Variants in TNFRSF21 observed in about 807,000 individuals in gnomAD.
TNFRSF21 encodes the protein tumor necrosis factor receptor superfamily member 21.
In TNFRSF21, 19 loss-of-function variants were observed where a neutral mutation model predicts 45.6. The ratio of observed to expected loss-of-function variants is 0.42; its 90% CI spans 0.29 to 0.61. The LOEUF is 0.61. TNFRSF21 is among the 20% of genes least tolerant of loss of function. The pLI is 0.23. For missense variants in TNFRSF21, 737 were observed against 851.5 expected, an observed-to-expected ratio of 0.87 and a Z score of 1.67; for synonymous variants, 314 against 335.5, an observed-to-expected ratio of 0.94 and a Z score of 0.70.
At position 47,274,118 on chromosome 6, in the gene TNFRSF21, G is replaced by A. The variant is rs150340852; in HGVS notation, c.1243+9820C>T. 2.8e-3 allele frequency among the ~76,000 whole-genome samples: 420 copies of A among 152,070 alleles called. 2 individuals carry two copies. The highest frequency in any genetic ancestry group is 9.5e-3 in the African/African-American group (392 of 41,474). ...TCAAGCTACCAATGATTTTCTTCAC[G>A]GAATTGGAAAAAACTACTTTAAAGT... is the stretch of plus-strand genomic sequence containing the variant. On this transcript the variant is annotated intron_variant, in intron 3 of 5. Coordinates refer to ENST00000296861, the MANE Select transcript of TNFRSF21 (RefSeq NM_014452.5).
intron 5 of TNFRSF21, among the ~76,000 whole-genome samples, 184 bp downstream of exon 5, chr6:47,234,486 G>A (rs977081100): frequency 1.3e-5 from 2 of 152,122 alleles, no homozygotes; most frequent in African/African-American, 4.8e-5. Context: ...GCGTGTCTTC[G>A]CCAGCCAATG....
At chr6:47,269,144 A>G (rs2295261) in intron 3 of TNFRSF21, among the ~76,000 whole-genome samples, 43,817 of 151,896 alleles carry the variant, frequency 0.29, 6,753 homozygotes, top group Non-Finnish European at 0.35. Flanking sequence ...CATCTTCTGT[A>G]TAATGAGAGG....
intron 1 of TNFRSF21, among the ~76,000 whole-genome samples, chr6:47,289,434 G>T (rs556726418): frequency 2.0e-5 from 3 of 151,924 alleles, no homozygotes; most frequent in Non-Finnish European, 4.4e-5. Flanking sequence ...GCTTATGAGG[G>T]TATATTCATT....
chr6:47,308,381 G>GT (rs989063340), intron 1 of TNFRSF21, among the ~76,000 whole-genome samples: 3 of 152,172 alleles, frequency 2.0e-5, no homozygotes, highest in African/African-American at 2.4e-5. Context: ...TTTCTTGGGG[G>GT]TTTTTTTGTT....
In TNFRSF21 at chr6:47,253,282, G is replaced by A. The variant is rs867596127; in HGVS notation, c.1483C>T (p.Arg495Cys). The A allele has an allele frequency of 2.5e-6, 4 of 1,613,316 alleles. No homozygotes were observed. The highest frequency in any genetic ancestry group is 3.3e-5 in the Admixed American group (2 of 59,918). ...TGGGTGGTGTCTTCCATCAGCCCAC[G>A]AATCTTCTCCACAACATCGTTTCTC... ...HRRNDVVEKI[R>C]GLMEDTTQLE... The change falls in exon 4 of 6, where the codon CGT becomes TGT. Residue 495 changes from arginine (R) to cysteine (C), a missense_variant. Transcript: ENST00000296861.
chr6:47,272,971 T>C (rs971692079), intron 3 of TNFRSF21, among the ~76,000 whole-genome samples: 1 of 152,118 alleles, frequency 6.6e-6, no homozygotes, highest in Non-Finnish European at 1.5e-5. Flanking sequence ...CAGGAGGAAG[T>C]TGAATCTCTG....
At chr6:47,234,959 C>T (rs1194654354) in intron 4 of TNFRSF21, 61 bp from the exon 5 acceptor site, 2 of 1,011,140 alleles carry the variant, frequency 2.0e-6, no homozygotes, top group Non-Finnish European at 2.7e-6. Context: ...AATTAAAATC[C>T]CTCCTCAGAG....
chr6:47,254,733 T>G (rs1292076598), intron 3 of TNFRSF21, among the ~76,000 whole-genome samples: 2 of 152,248 alleles, frequency 1.3e-5, no homozygotes, highest in African/African-American at 4.8e-5. Flanking sequence ...AATTCATTAT[T>G]CAGTCTTCCA....
In TNFRSF21 at chr6:47,309,568, G is replaced by T. The variant is rs532974657; in HGVS notation, c.-57C>A. ...GGCGCGCGGGGCAGCTGGAATCGGC[G>T]GCTGCTTCTGCCCAGCGCCGCATCC... On this transcript the variant is annotated 5_prime_UTR_variant, in exon 1 of 6. Transcript: ENST00000296861. 2.9e-6 allele frequency: 4 copies of T among 1,389,628 alleles called. No individual in the cohort carries two copies. The highest frequency in any genetic ancestry group is 3.7e-6 in the Non-Finnish European group (4 of 1,081,820). 86.1% of individuals were successfully genotyped at this position (1,389,628 alleles called of 1,614,324 possible).
At chr6:47,236,691 G>A (rs1288408674) in intron 4 of TNFRSF21, among the ~76,000 whole-genome samples, 1 of 152,172 alleles carries the variant, frequency 6.6e-6, no homozygotes, top group African/African-American at 2.4e-5. Context: ...CAAATGTTAC[G>A]TATATGCTTG....
chr6:47,250,620 T>C (rs1352600248), intron 4 of TNFRSF21, among the ~76,000 whole-genome samples: 1 of 152,066 alleles, frequency 6.6e-6, no homozygotes, highest in Non-Finnish European at 1.5e-5. Context: ...TGAAAAAAAA[T>C]AGTCATTTTT....
chr6:47,239,934 C>A (rs1222814564), intron 4 of TNFRSF21, among the ~76,000 whole-genome samples: 25 of 152,194 alleles, frequency 1.6e-4, no homozygotes, highest in Admixed American at 1.6e-3. Context: ...AAGTTTACCA[C>A]AAAGTTATTT....
intron 1 of TNFRSF21, among the ~76,000 whole-genome samples, chr6:47,290,100 C>T (rs1428695249): frequency 6.6e-6 from 1 of 152,224 alleles, no homozygotes; most frequent in African/African-American, 2.4e-5. Flanking sequence ...CTCTGTACTT[C>T]GTGGCATGTC....
chr6:47,238,239 G>A (rs896807326), intron 4 of TNFRSF21, among the ~76,000 whole-genome samples: 1 of 152,184 alleles, frequency 6.6e-6, no homozygotes, highest in African/African-American at 2.4e-5. Flanking sequence ...CAATGTGGCT[G>A]AGCTCCTCTC....
intron 3 of TNFRSF21, among the ~76,000 whole-genome samples, chr6:47,269,196 A>AAC (rs1483913767): frequency 2.6e-5 from 4 of 151,266 alleles, no homozygotes; most frequent in African/African-American, 7.3e-5. Flanking sequence ...CTTACACACA[A>AAC]ACACACACAC....
At chr6:47,271,540 G>A (rs1316716012) in intron 3 of TNFRSF21, among the ~76,000 whole-genome samples, 1 of 152,168 alleles carries the variant, frequency 6.6e-6, no homozygotes, top group Non-Finnish European at 1.5e-5. Flanking sequence ...GAAACAACCA[G>A]TATCAGCCAC....
At chr6:47,260,038 T>C (rs1249804957) in intron 3 of TNFRSF21, among the ~76,000 whole-genome samples, 1 of 152,166 alleles carries the variant, frequency 6.6e-6, no homozygotes, top group African/African-American at 2.4e-5. Context: ...TAAAGACTCC[T>C]AGGGTGGCAT....
intron 3 of TNFRSF21, among the ~76,000 whole-genome samples, chr6:47,274,166 C>T (rs9791233): frequency 0.29 from 43,658 of 152,034 alleles, 6,710 homozygotes; most frequent in Non-Finnish European, 0.35. Flanking sequence ...AAAAAAAGGG[C>T]CTGCATTGCC....
intron 1 of TNFRSF21, among the ~76,000 whole-genome samples, chr6:47,307,168 C>T (rs1248320485): frequency 6.6e-6 from 1 of 152,160 alleles, no homozygotes; most frequent in Non-Finnish European, 1.5e-5. Context: ...GGATGAAGGG[C>T]TGAACCTCAT....
Sources: gnomAD v4.1 joint callset for allele counts (sites outside exome capture counted in the v4.1 genomes callset) on GRCh38, gnomAD v4.1.1 for gene constraint, MANE v1.5 for transcripts, NCBI Gene and HGNC (gene_info 2026-07-23, HGNC 2026-07-21) for gene names.